The following PCDHA7 variants were observed in gnomAD, a reference collection of about 807,000 sequenced individuals.
PCDHA7 encodes the protein protocadherin alpha 7, also known as protocadherin alpha-7.
Under a neutral mutation model 57.2 loss-of-function variants are expected in PCDHA7, and 37 were observed. That is an observed-to-expected ratio of 0.65 (90% CI 0.50 to 0.85). The LOEUF (loss-of-function observed/expected upper bound fraction) is 0.85, where lower values mean the gene tolerates loss of function less well. PCDHA7 is among the 40% of genes least tolerant of loss of function. The pLI is 0.00. For missense variants in PCDHA7, 1,188 were observed against 1,241.8 expected (o/e 0.96, Z 0.65); for synonymous variants, 553 against 558.8 (o/e 0.99, Z 0.15).
intron 3 of PCDHA7, among the ~76,000 whole-genome samples, chr5:140,996,394 G>A (rs2097724789): frequency 6.6e-6 from 1 of 152,192 alleles, no homozygotes; most frequent in Non-Finnish European, 1.5e-5. Context: ...GCCTCATAGA[G>A]TTTCAGGTGG....
chr5:140,927,137 A>G, intron 1 of PCDHA7: 2 of 1,614,052 alleles, frequency 1.2e-6, no homozygotes, highest in South Asian at 2.2e-5. Context: ...GAGCCGGCGG[A>G]CCGCGAACAG....
chr5:140,871,692 C>A, intron 1 of PCDHA7: 2 of 997,190 alleles, frequency 2.0e-6, no homozygotes, highest in Non-Finnish European at 2.9e-6. Flanking sequence ...AATCTGGCTT[C>A]TTTAACCAAT....
chr5:140,956,408 C>T (rs1192859348), intron 1 of PCDHA7, among the ~76,000 whole-genome samples: 1 of 152,122 alleles, frequency 6.6e-6, no homozygotes, highest in Non-Finnish European at 1.5e-5. Context: ...TTGAGATAAT[C>T]ATGTGGGTTT....
chr5:140,892,901 C>G (rs994625869), intron 1 of PCDHA7, among the ~76,000 whole-genome samples: 1 of 152,196 alleles, frequency 6.6e-6, no homozygotes, highest in African/African-American at 2.4e-5. Flanking sequence ...CTTTCCCCAT[C>G]CTCCTTTTCC....
intron 3 of PCDHA7, among the ~76,000 whole-genome samples, chr5:140,992,867 C>T (rs2097531825): frequency 6.6e-6 from 1 of 152,184 alleles, no homozygotes; most frequent in Admixed American, 6.5e-5. Context: ...CTCTAGCTCC[C>T]TCCTTGATAT....
chr5:140,979,604 A>T (rs1326370777), intron 2 of PCDHA7, among the ~76,000 whole-genome samples: 1 of 152,204 alleles, frequency 6.6e-6, no homozygotes, highest in African/African-American at 2.4e-5. Context: ...AAATTAACCT[A>T]GAGTAACGGT....
intron 1 of PCDHA7, chr5:140,883,985 G>A (rs782534317): frequency 1.2e-6 from 2 of 1,612,814 alleles, no homozygotes; most frequent in Admixed American, 1.7e-5. Context: ...GGCTGGCAGC[G>A]CGGGAGGCAC....
intron 3 of PCDHA7, among the ~76,000 whole-genome samples, chr5:141,003,043 C>T (rs2098108698): frequency 6.6e-6 from 1 of 152,198 alleles, no homozygotes; most frequent in Non-Finnish European, 1.5e-5. Flanking sequence ...CCCTCCTGGC[C>T]TTAACAGAAC....
At chr5:140,972,353 T>C (rs571045648) in intron 1 of PCDHA7, among the ~76,000 whole-genome samples, 5 of 152,058 alleles carry the variant, frequency 3.3e-5, no homozygotes, top group South Asian at 2.1e-4. Flanking sequence ...TCTCACTATG[T>C]TGCACATGCT....
intron 1 of PCDHA7, among the ~76,000 whole-genome samples, chr5:140,975,653 A>T (rs2096676885): frequency 6.6e-6 from 1 of 152,230 alleles, no homozygotes; most frequent in South Asian, 2.1e-4. Context: ...TATTTCATTG[A>T]GTAGTTGTGT....
chr5:140,867,224 C>A (rs1432488021), intron 1 of PCDHA7: 7 of 152,034 alleles, frequency 4.6e-5, no homozygotes, highest in African/African-American at 1.4e-4. Flanking sequence ...TCCCCAATTC[C>A]CATAATAAGG....
At chr5:140,848,360 G>A (rs1475773357) in intron 1 of PCDHA7, 1 of 1,069,390 alleles carries the variant, frequency 9.4e-7, no homozygotes, top group Non-Finnish European at 1.4e-6. Context: ...TTTCCCATGG[G>A]AAAGAGGCTC....
At chr5:140,848,356 A>T in intron 1 of PCDHA7, 1 of 1,038,310 alleles carries the variant, frequency 9.6e-7, no homozygotes, top group Non-Finnish European at 1.4e-6. Flanking sequence ...CCCTTTTCCC[A>T]TGGGAAAGAG....
chr5:140,901,286 C>T (rs1681382612), intron 1 of PCDHA7, among the ~76,000 whole-genome samples: 1 of 151,988 alleles, frequency 6.6e-6, no homozygotes. Flanking sequence ...AAATTTTTGC[C>T]CAGACTGATG....
At chr5:140,851,854 G>A (rs1187203228) in intron 1 of PCDHA7, 1 of 972,298 alleles carries the variant, frequency 1.0e-6, no homozygotes, top group East Asian at 1.1e-4. Flanking sequence ...TCTCCTCTCA[G>A]CTCATACATA....
At chr5:140,975,520 T>G (rs2153807475) in intron 1 of PCDHA7, among the ~76,000 whole-genome samples, 1 of 152,342 alleles carries the variant, frequency 6.6e-6, no homozygotes, top group East Asian at 1.9e-4. Flanking sequence ...AAATCTGCAG[T>G]GGATATATTC....
intron 1 of PCDHA7, chr5:140,928,441 C>A: frequency 4.3e-6 from 7 of 1,614,140 alleles, no homozygotes; most frequent in Non-Finnish European, 5.9e-6. Context: ...TGACTTTGAG[C>A]AGCTCAGGGG....
chr5:140,859,697 G>T (rs1233998662), intron 1 of PCDHA7: 1 of 154,148 alleles, frequency 6.5e-6, no homozygotes, highest in Non-Finnish European at 1.4e-5. Flanking sequence ...TATTGTTCAA[G>T]TTTAGGAACA....
In PCDHA7 at chr5:140,871,116, C is replaced by A. The variant is rs200344692; in HGVS notation, c.2355+34378C>A. On this transcript the variant is annotated intron_variant, in intron 1 of 3. Transcript: ENST00000525929. The stretch of plus-strand genomic sequence containing the variant: ...CCGTGCTGGTGTCGTTGGTGGAGAG[C>A]GGACAGGCGCCAAAGGCCTCTTCCC... The A allele has an allele frequency of 4.3e-4, 686 of 1,613,264 alleles. 1 individual carries two copies. Among genetic ancestry groups the A allele is most frequent in the Middle Eastern group, 2.1e-3 (13 of 6,062 alleles).
Sources: gnomAD v4.1 joint callset for allele counts (sites outside exome capture counted in the v4.1 genomes callset) on GRCh38, gnomAD v4.1.1 for gene constraint, MANE v1.5 for transcripts, NCBI Gene and HGNC (gene_info 2026-07-23, HGNC 2026-07-21) for gene names.